Variants in TBX22 observed in about 807,000 individuals in gnomAD.
TBX22 encodes the protein T-box transcription factor TBX22.
TBX22 carries 8 observed loss-of-function variants against 30.1 expected under a neutral mutation model. The ratio of observed to expected loss-of-function variants is 0.27; its 90% CI spans 0.16 to 0.48. TBX22 has a LOEUF of 0.48. Among genes scored for constraint, TBX22 ranks in the 20% least tolerant of loss-of-function variants. TBX22 has a pLI of 0.99. For missense variants in TBX22, 463 were observed against 400.5 expected (o/e 1.16, Z -1.33); for synonymous variants, 173 against 149.1 (o/e 1.16, Z -1.17).
chrX:80,026,402 A>T lies in TBX22; in HGVS notation c.634-302A>T, dbSNP rs16978934. 3.4e-3 allele frequency among the ~76,000 whole-genome samples: 384 copies of T among 111,792 alleles called. 2 individuals carry two copies. The highest frequency in any genetic ancestry group is 0.012 in the African/African-American group (363 of 30,720). ...AAGCCTATCAGTTACTGCCATGGGA[A>T]CTTGTAGCAGGCTAGCAGATCCCAG... On this transcript the variant is annotated intron_variant, in intron 5 of 8. Transcript: ENST00000373296.
chrX:80,027,915 T>C (rs1184116997), intron 7 of TBX22, 76 bp from the exon 8 acceptor site: 7 of 747,039 alleles, frequency 9.4e-6, no homozygotes, highest in Non-Finnish European at 1.5e-5. Flanking sequence ...ATCTGAAAGA[T>C]ATAGCAAAAT....
chrX:80,019,208 A>C (rs1210215076), intron 1 of TBX22, among the ~76,000 whole-genome samples: 2 of 111,014 alleles, frequency 1.8e-5, no homozygotes, highest in African/African-American at 6.6e-5. Flanking sequence ...GAATTCAGGT[A>C]CTCAAATGAT....
At position 80,027,288 on chromosome X, in the gene TBX22, T is replaced by A; in HGVS notation, c.831T>A (p.Phe277Leu). The A allele has an allele frequency of 9.0e-7, 1 of 1,114,274 alleles. No individual in the cohort carries two copies. Among genetic ancestry groups the A allele is most frequent in the Non-Finnish European group, 1.2e-6 (1 of 807,513 alleles). The allele number at this position is 1,114,274 out of a possible 1,213,427, so 91.8% of individuals were successfully genotyped here. ...AACTAAAAATAGAAAGAAATCCTTT[T>A]GCTAAAGGATTTAGAGATACTGGAA... ...ITKLKIERNP[F>L]AKGFRDTGRN... The change falls in exon 7 of 9, where the codon TTT becomes TTA. Residue 277 changes from phenylalanine (F) to leucine (L), a missense_variant. Phe to Leu is a conservative substitution (Grantham distance 22). Transcript: ENST00000373296.
Position 80,022,427 on chromosome X carries a change from G to C in TBX22, c.158G>C (p.Gly53Ala), listed in dbSNP as rs1331608078. ...GAGGAGAGAAGGAGCAGCGCTGCAG[G>C]GAAGAGCGAGCCGCTTGGTAAGTAC... is the stretch of plus-strand genomic sequence containing the variant. ...EEEERRSSAA[G>A]KSEPLEKQPK... The change falls in exon 2 of 9, where the codon GGG becomes GCG. Residue 53 changes from glycine (G) to alanine (A), a missense_variant. Physicochemically the swap from Gly to Ala is moderately conservative, Grantham distance 60. Coordinates refer to ENST00000373296, the MANE Select transcript of TBX22 (RefSeq NM_001109878.2). 3.4e-6 allele frequency: 4 copies of C among 1,189,223 alleles called. No individual in the cohort carries two copies. Among genetic ancestry groups the C allele is most frequent in the Non-Finnish European group, 4.5e-6 (4 of 884,503 alleles).
rs757798692 is a variant in TBX22, at chrX:80,030,509, G to A, written c.961G>A (p.Gly321Ser). The change falls in exon 9 of 9, where the codon GGC becomes AGC. Residue 321 changes from glycine (G) to serine (S), a missense_variant. Transcript: ENST00000373296. The stretch of plus-strand genomic sequence containing the variant: ...ATTGTCATTCACAGGTGGAAGCAGT[G>A]GCTCATCTCCAGTGACCTCTAGTGG... ...FGADTQSGSS[G>S]SSPVTSSGGA... 169 of 1,209,542 alleles carry A rather than the reference G, an allele frequency of 1.4e-4. 1 individual carries two copies. The South Asian group carries it at 2.8e-3, about 20-fold the overall frequency.
At chrX:80,022,573 AG>A in intron 2 of TBX22, 129 bp downstream of exon 2, 1 of 676,875 alleles carries the variant, frequency 1.5e-6, no homozygotes, top group Non-Finnish European at 2.3e-6. Flanking sequence ...CACCTGGTGA[AG>A]GGGAAGTTTC....
At chrX:80,019,503 CAT>C (rs1403083727) in intron 1 of TBX22, among the ~76,000 whole-genome samples, 116 of 111,718 alleles carry the variant, frequency 1.0e-3, no homozygotes, top group Non-Finnish European at 2.0e-3. Flanking sequence ...GAAACCTCCA[CAT>C]GTTTCGCTGC....
intron 8 of TBX22, among the ~76,000 whole-genome samples, chrX:80,029,420 C>T (rs1333750042): frequency 8.9e-6 from 1 of 112,016 alleles, no homozygotes; most frequent in African/African-American, 3.2e-5. Flanking sequence ...AATCAGCAAA[C>T]GTCATTGATA....
At chrX:80,028,314 G>C (rs141083780) in intron 8 of TBX22, among the ~76,000 whole-genome samples, 79 of 112,168 alleles carry the variant, frequency 7.0e-4, no homozygotes, top group African/African-American at 2.5e-3. Context: ...ATGTTAATAA[G>C]TTATCTTACA....
intron 2 of TBX22, chrX:80,022,682 C>T (rs750300021): frequency 4.6e-6 from 2 of 437,801 alleles, no homozygotes; most frequent in East Asian, 3.8e-5. Flanking sequence ...CATCCTCCTC[C>T]TACCTTCGCG....
intron 1 of TBX22, 58 bp from the exon 2 acceptor site, chrX:80,022,210 C>G: frequency 2.6e-6 from 3 of 1,147,186 alleles, no homozygotes; most frequent in Non-Finnish European, 3.6e-6. Context: ...CTCCCCCTCC[C>G]TCCCTAACCC....
At position 80,031,306 on chromosome X, in the gene TBX22, A is replaced by G. The variant is rs1012824825; in HGVS notation, c.*195A>G. 4.5e-6 allele frequency: 2 copies of G among 442,269 alleles called. No homozygotes were observed. The highest frequency in any genetic ancestry group is 7.6e-6 in the Non-Finnish European group (2 of 262,178). The allele number at this position is 442,269 out of a possible 1,213,427, so 36.4% of individuals were successfully genotyped here. Reference sequence around the variant, plus strand: ...TTGTTTATAATGTCAAATGAAACCTACAGGAATCTCTGATTACAGTGGCCT... The same window carrying G: ...TTGTTTATAATGTCAAATGAAACCTGCAGGAATCTCTGATTACAGTGGCCT... On this transcript the variant is annotated 3_prime_UTR_variant, in exon 9 of 9. Transcript: ENST00000373296.
rs71951943 is a variant in TBX22 at position 80,017,276 on chromosome X, G to GTT, written c.-3+2393_-3+2394dup. Reference sequence around the variant, plus strand: ...ATAGGTTTGACACTAGTTTGGTGTTGTTTTTGTGTGTGTGTGTGTGTGTGT... The same window carrying GTT: ...ATAGGTTTGACACTAGTTTGGTGTTGTTTTTTTGTGTGTGTGTGTGTGTGTGT... On this transcript the variant is annotated intron_variant, in intron 1 of 8. Coordinates refer to ENST00000373296, the MANE Select transcript of TBX22 (RefSeq NM_001109878.2). Among the ~76,000 whole-genome samples the GTT allele has an allele frequency of 3.4e-4, 25 of 74,429 alleles. No homozygotes were observed. The East Asian group carries it at 4.3e-3, about 13-fold the overall frequency. The allele number at this position is 74,429 out of a possible 115,157, so 64.6% of individuals were successfully genotyped here. A position where few individuals can be genotyped will look rare whatever the true frequency, so the allele number is the denominator to read the frequency against.
chrX:80,019,497 C>T lies in TBX22; in HGVS notation c.-2-2771C>T, dbSNP rs183601669. 3.5e-4 allele frequency among the ~76,000 whole-genome samples: 39 copies of T among 111,673 alleles called. 1 individual carries two copies. Among genetic ancestry groups the T allele is most frequent in the Admixed American group, 3.1e-3 (33 of 10,488 alleles). The stretch of plus-strand genomic sequence containing the variant: ...TGTGGGCATCTGTGGGTCTCAGAAA[C>T]CTCCACATGTTTCGCTGCCCCTCCA... On this transcript the variant is annotated intron_variant, in intron 1 of 8. Coordinates refer to ENST00000373296, the MANE Select transcript of TBX22 (RefSeq NM_001109878.2).
At position 80,028,056 on chromosome X, in the gene TBX22, C is replaced by T. The variant is rs1320848821; in HGVS notation, c.929C>T (p.Thr310Ile). 29 of 1,208,513 alleles carry T rather than the reference C, an allele frequency of 2.4e-5. No individual in the cohort carries two copies. Among genetic ancestry groups the T allele is most frequent in the Non-Finnish European group, 3.1e-5 (28 of 894,123 alleles). Residue 310 changes from threonine to isoleucine, a missense_variant, in exon 8 of 9, where the codon ACC (threonine) becomes ATC (isoleucine). Thr to Ile is a moderately conservative substitution (Grantham distance 89, BLOSUM62 -1). Transcript: ENST00000373296. ...CCTTCTTTCACTCTCGATTTTAAAACCTTTGGCGCAGACACACAAAGTAAG... is the reference window on the plus strand; with the variant it reads ...CCTTCTTTCACTCTCGATTTTAAAATCTTTGGCGCAGACACACAAAGTAAG... Reference protein sequence around the residue: ...WRPSFTLDFKTFGADTQSGSS... With the variant: ...WRPSFTLDFKIFGADTQSGSS...
chrX:80,024,465 G>A (rs1012194954), intron 4 of TBX22, among the ~76,000 whole-genome samples: 1 of 111,423 alleles, frequency 9.0e-6, no homozygotes, highest in Non-Finnish European at 1.9e-5. Context: ...TCTGGCCTTG[G>A]TTGTGTAAAC....
Position 80,026,879 on chromosome X carries a change from T to C in TBX22, c.798+11T>C, listed in dbSNP as rs199643713. The C allele has an allele frequency of 7.6e-3, 9,243 of 1,209,157 alleles. 39 individuals carry two copies. The highest frequency in any genetic ancestry group is 9.3e-3 in the Non-Finnish European group (8,299 of 894,358). On this transcript the variant is annotated intron_variant, in intron 6 of 8. Transcript: ENST00000373296. ...TACCAAAACCAACAGGTAAACTTGG[T>C]CATGTCTCAGGCGAATGGAAATGGC...
chrX:80,016,578 A>G (rs757881507), intron 1 of TBX22, among the ~76,000 whole-genome samples: 1 of 112,356 alleles, frequency 8.9e-6, no homozygotes. Flanking sequence ...ATATTTTGCT[A>G]TATGTCTGAA....
Position 80,026,781 on chromosome X carries a change from G to C in TBX22, c.711G>C (p.Gln237His). ...IEQGSSVDLS[Q>H]IQSLPTEGVK... ...AAGGCAGCAGTGTTGACCTGTCCCA[G>C]ATTCAGTCCTTGCCCACTGAAGGTG... Residue 237 changes from glutamine to histidine, a missense_variant, in exon 6 of 9, where the codon CAG becomes CAC. Coordinates refer to ENST00000373296, the MANE Select transcript of TBX22 (RefSeq NM_001109878.2). 1 of 1,210,883 alleles carries C rather than the reference G, an allele frequency of 8.3e-7. No homozygotes were observed. Among genetic ancestry groups the C allele is most frequent in the African/African-American group, 1.7e-5 (1 of 57,772 alleles).
Sources: allele counts gnomAD v4.1 joint callset (sites outside exome capture counted in the v4.1 genomes callset), GRCh38; gene constraint gnomAD v4.1.1; transcripts MANE v1.5; gene names NCBI Gene and HGNC (gene_info 2026-07-23, HGNC 2026-07-21).